FGGY: variants seen among roughly 807,000 people sequenced by gnomAD.
FGGY encodes the protein FGGY carbohydrate kinase domain-containing protein.
FGGY carries 72 observed loss-of-function variants against 71.3 expected under a neutral mutation model. The ratio of observed to expected loss-of-function variants is 1.01; its 90% CI spans 0.84 to 1.23. The LOEUF (loss-of-function observed/expected upper bound fraction) is 1.23, where lower values mean the gene tolerates loss of function less well. Ranked by LOEUF, FGGY falls within the 50% of genes most tolerant of loss-of-function variation. The pLI is 0.00. For missense variants in FGGY, 668 were observed against 682.3 expected, an observed-to-expected ratio of 0.98 and a Z score of 0.23; for synonymous variants, 251 against 250.3, an observed-to-expected ratio of 1.00 and a Z score of -0.02.
intron 2 of FGGY, among the ~76,000 whole-genome samples, chr1:59,323,392 C>G (rs1017416302): frequency 6.6e-6 from 1 of 152,206 alleles, no homozygotes; most frequent in East Asian, 1.9e-4. Context: ...TGCTATTGCA[C>G]TATAGCAAAC....
rs75968951 is a variant in FGGY, at chr1:59,600,258, G to C, written c.904-7545G>C. 4.6e-3 allele frequency among the ~76,000 whole-genome samples: 704 copies of C among 152,286 alleles called. 14 individuals are homozygous for C. The highest frequency in any genetic ancestry group is 0.016 in the African/African-American group (663 of 41,550). The stretch of plus-strand genomic sequence containing the variant: ...GACCTACTGTGGGGCAGATGAGAGC[G>C]ATGAATGATCAGGAAGTCAAGAATG... On this transcript the variant is annotated intron_variant, in intron 8 of 15. Transcript: ENST00000303721.
intron 5 of FGGY, among the ~76,000 whole-genome samples, chr1:59,427,114 A>G (rs1024045926): frequency 6.6e-6 from 1 of 152,194 alleles, no homozygotes; most frequent in African/African-American, 2.4e-5. Flanking sequence ...AAAGGTTTTC[A>G]ATTCTCCCTT....
intron 5 of FGGY, among the ~76,000 whole-genome samples, chr1:59,430,481 CCTG>C (rs956245026): frequency 2.0e-5 from 3 of 151,812 alleles, no homozygotes; most frequent in African/African-American, 7.3e-5. Context: ...GCTCATGGGC[CCTG>C]CATGCATACT....
intron 4 of FGGY, among the ~76,000 whole-genome samples, chr1:59,365,548 A>G (rs541906778): frequency 2.0e-5 from 3 of 152,298 alleles, no homozygotes; most frequent in Non-Finnish European, 4.4e-5. Flanking sequence ...GCACTTCTGC[A>G]TTATATTATG....
chr1:59,382,027 G>A (rs946840033), intron 5 of FGGY, among the ~76,000 whole-genome samples: 6 of 152,130 alleles, frequency 3.9e-5, no homozygotes, highest in Admixed American at 3.9e-4. Flanking sequence ...GATGCCTAAG[G>A]TCAAGGCAGG....
chr1:59,360,437 G>A (rs1477440576), intron 4 of FGGY, among the ~76,000 whole-genome samples: 1 of 152,188 alleles, frequency 6.6e-6, no homozygotes, highest in African/African-American at 2.4e-5. Context: ...CACCTCCCAT[G>A]TCCTGGGAAG....
Position 59,512,108 on chromosome 1 carries a change from T to G in FGGY, c.671-203T>G, listed in dbSNP as rs2094533037. Among the ~76,000 whole-genome samples the G allele has an allele frequency of 2.6e-5, 4 of 152,324 alleles. No homozygotes were observed. The South Asian group carries it at 8.3e-4, about 32-fold the overall frequency. Reference sequence around the variant, plus strand: ...CTTTAGAGTTCCTTGTTTGTAAAGCTCCACAAAGCATGACCCATAGGTACC... The same window carrying G: ...CTTTAGAGTTCCTTGTTTGTAAAGCGCCACAAAGCATGACCCATAGGTACC... On this transcript the variant is annotated intron_variant, in intron 6 of 15. Coordinates refer to ENST00000303721, the MANE Select transcript of FGGY (RefSeq NM_018291.5).
At chr1:59,528,900 C>T (rs2095064909) in intron 7 of FGGY, among the ~76,000 whole-genome samples, 1 of 152,136 alleles carries the variant, frequency 6.6e-6, no homozygotes, top group African/African-American at 2.4e-5. Context: ...TATAGCTCAG[C>T]CAAATGCGTG....
intron 14 of FGGY, among the ~76,000 whole-genome samples, chr1:59,708,555 G>A (rs1397062001): frequency 6.6e-6 from 1 of 152,168 alleles, no homozygotes; most frequent in Non-Finnish European, 1.5e-5. Flanking sequence ...TTGATCACCT[G>A]ATACATGCTG....
rs77845462 is a variant in FGGY at position 59,411,991 on chromosome 1, C to T, written c.554+33154C>T. Reference sequence around the variant, plus strand: ...ACTCTCCCCAGTGCACTGACACTTCCGTCACTTAGGTCATTGCTAAAGCAG... The same window carrying T: ...ACTCTCCCCAGTGCACTGACACTTCTGTCACTTAGGTCATTGCTAAAGCAG... On this transcript the variant is annotated intron_variant, in intron 5 of 15. Transcript: ENST00000303721. Among the ~76,000 whole-genome samples, 299 of 152,296 alleles carry T rather than the reference C, an allele frequency of 2.0e-3. 4 individuals are homozygous for T. The East Asian group carries it at 0.053, about 27-fold the overall frequency.
intron 5 of FGGY, 125 bp from the exon 6 acceptor site, chr1:59,456,836 T>TA: frequency 1.6e-6 from 1 of 613,734 alleles, no homozygotes; most frequent in East Asian, 2.8e-5. Context: ...GGATGTGTCA[T>TA]TATCTACACT....
At chr1:59,655,065 T>C (rs997057793) in intron 11 of FGGY, among the ~76,000 whole-genome samples, 1 of 151,954 alleles carries the variant, frequency 6.6e-6, no homozygotes, top group Non-Finnish European at 1.5e-5. Context: ...GAGCAACTTC[T>C]GCCCTGGCTT....
intron 6 of FGGY, among the ~76,000 whole-genome samples, chr1:59,472,051 C>A (rs1281221764): frequency 2.0e-5 from 3 of 152,248 alleles, no homozygotes; most frequent in Admixed American, 6.5e-5. Context: ...CTTCAGCCCG[C>A]CGCTGCACTG....
At chr1:59,432,778 G>T (rs2067645163) in intron 5 of FGGY, among the ~76,000 whole-genome samples, 1 of 152,188 alleles carries the variant, frequency 6.6e-6, no homozygotes, top group Non-Finnish European at 1.5e-5. Flanking sequence ...AAGAAGAGGT[G>T]TAGGAGTAGT....
chr1:59,606,525 A>G (rs1320840665), intron 8 of FGGY, among the ~76,000 whole-genome samples: 3 of 152,146 alleles, frequency 2.0e-5, no homozygotes, highest in Non-Finnish European at 4.4e-5. Context: ...TTATGTATTA[A>G]CATTTTTTTT....
At chr1:59,609,535 TTC>T (rs1378718909) in intron 9 of FGGY, among the ~76,000 whole-genome samples, 2 of 151,870 alleles carry the variant, frequency 1.3e-5, no homozygotes, top group Admixed American at 6.5e-5. Context: ...ATTGGCAGGC[TTC>T]TGAGAGATCA....
intron 14 of FGGY, among the ~76,000 whole-genome samples, chr1:59,700,534 T>C (rs1396368775): frequency 6.6e-6 from 1 of 152,202 alleles, no homozygotes; most frequent in Non-Finnish European, 1.5e-5. Context: ...TAGTTTTTCC[T>C]TGAACTGCTT....
At chr1:59,610,274 C>G (rs771450138) in intron 9 of FGGY, among the ~76,000 whole-genome samples, 16 of 152,098 alleles carry the variant, frequency 1.1e-4, no homozygotes, top group Non-Finnish European at 2.4e-4. Flanking sequence ...TGTTGTCCCC[C>G]TCTCTGTGTT....
chr1:59,552,655 T>G (rs1405401459), intron 7 of FGGY, among the ~76,000 whole-genome samples: 1 of 152,100 alleles, frequency 6.6e-6, no homozygotes, highest in Non-Finnish European at 1.5e-5. Context: ...CAGAATTGAG[T>G]ATAGACTGAA....
Sources: gnomAD v4.1 joint callset for allele counts (sites outside exome capture counted in the v4.1 genomes callset) on GRCh38, gnomAD v4.1.1 for gene constraint, MANE v1.5 for transcripts, NCBI Gene and HGNC (gene_info 2026-07-23, HGNC 2026-07-21) for gene names.